HS3ST4: variants seen among roughly 807,000 people sequenced by gnomAD.
HS3ST4 encodes heparan sulfate glucosamine 3-O-sulfotransferase 4.
Under a neutral mutation model 29.2 loss-of-function variants are expected in HS3ST4, and 17 were observed. The observed-to-expected ratio is 0.58, with a 90% CI of 0.40 to 0.87. The LOEUF (loss-of-function observed/expected upper bound fraction) is 0.87. HS3ST4 is among the 40% of genes least tolerant of loss of function. HS3ST4 has a pLI of 0.00. For synonymous variants in HS3ST4, 314 were observed against 285.7 expected (o/e 1.10, Z -1.00); for missense variants, 627 against 634.5 (o/e 0.99, Z 0.13).
At chr16:26,102,078 T>G (rs1898996633) in intron 1 of HS3ST4, among the ~76,000 whole-genome samples, 1 of 152,184 alleles carries the variant, frequency 6.6e-6, no homozygotes, top group South Asian at 2.1e-4. Flanking sequence ...AAGAAAACAT[T>G]GTATTATACA....
At chr16:25,803,836 CT>C (rs1298368647) in intron 1 of HS3ST4, among the ~76,000 whole-genome samples, 1 of 152,208 alleles carries the variant, frequency 6.6e-6, no homozygotes, top group Non-Finnish European at 1.5e-5. Flanking sequence ...ATCAGCACCC[CT>C]GTTCCTTGGT....
intron 1 of HS3ST4, among the ~76,000 whole-genome samples, chr16:25,932,228 C>T (rs1179620157): frequency 2.6e-5 from 4 of 152,058 alleles, no homozygotes; most frequent in South Asian, 2.1e-4. Flanking sequence ...GTGGGAGGAT[C>T]GCTTGAGACC....
At chr16:25,804,470 A>AAT (rs992711349) in intron 1 of HS3ST4, among the ~76,000 whole-genome samples, 17 of 152,246 alleles carry the variant, frequency 1.1e-4, no homozygotes, top group Admixed American at 1.1e-3. Context: ...TTCCCCATTC[A>AAT]GCAAATTGCC....
intron 1 of HS3ST4, among the ~76,000 whole-genome samples, chr16:25,872,822 A>C (rs1433550676): frequency 6.6e-6 from 1 of 152,162 alleles, no homozygotes; most frequent in Non-Finnish European, 1.5e-5. Flanking sequence ...AGTAAGAGAC[A>C]TTGTGGTCAT....
intron 1 of HS3ST4, among the ~76,000 whole-genome samples, chr16:25,984,296 T>G (rs1310815475): frequency 6.6e-6 from 1 of 152,184 alleles, no homozygotes; most frequent in African/African-American, 2.4e-5. Context: ...GATGAAACTG[T>G]TCTACCTCAG....
At chr16:26,097,619 C>T (rs114540262) in intron 1 of HS3ST4, among the ~76,000 whole-genome samples, 3,691 of 152,304 alleles carry the variant, frequency 0.024, 163 homozygotes, top group African/African-American at 0.082. Flanking sequence ...AGACCCAAAA[C>T]TGTAGAAACC....
chr16:25,731,263 C>G (rs967050741), intron 1 of HS3ST4, among the ~76,000 whole-genome samples: 15 of 152,192 alleles, frequency 9.9e-5, no homozygotes, highest in African/African-American at 3.6e-4. Context: ...ACAAAAACAG[C>G]TGTTCACTGC....
rs145863349 is a variant in HS3ST4, at chr16:25,991,107, G to A, written c.735-144505G>A. ...TTATCATCAATAACATTGATACACC[G>A]GCCTCACCAGGACCTCAGCATGCTC... On this transcript the variant is annotated intron_variant, in intron 1 of 1. Transcript: ENST00000331351. 2.7e-3 allele frequency among the ~76,000 whole-genome samples: 394 copies of A among 148,388 alleles called. 3 individuals are homozygous for A. Among genetic ancestry groups the A allele is most frequent in the Middle Eastern group, 0.02 (6 of 294 alleles).
chr16:25,759,405 G>T (rs1232297418), intron 1 of HS3ST4, among the ~76,000 whole-genome samples: 2 of 152,202 alleles, frequency 1.3e-5, no homozygotes, highest in East Asian at 3.8e-4. Context: ...AGAAAACAGC[G>T]TTTCTGCCTT....
intron 1 of HS3ST4, among the ~76,000 whole-genome samples, chr16:26,097,797 A>G (rs538882075): frequency 2.0e-5 from 3 of 152,340 alleles, no homozygotes; most frequent in African/African-American, 7.2e-5. Flanking sequence ...TGAACAGGCA[A>G]CCTACAGAAT....
chr16:26,001,717 A>G (rs1969213360), intron 1 of HS3ST4, among the ~76,000 whole-genome samples: 1 of 152,166 alleles, frequency 6.6e-6, no homozygotes, highest in Non-Finnish European at 1.5e-5. Context: ...GAAAGTTGAG[A>G]AAGGGTTTCC....
At chr16:25,852,286 CT>C (rs1019570321) in intron 1 of HS3ST4, among the ~76,000 whole-genome samples, 3 of 151,960 alleles carry the variant, frequency 2.0e-5, no homozygotes, top group Admixed American at 6.6e-5. Context: ...GTTTTTATTT[CT>C]TTTTTAAAAA....
chr16:25,955,585 C>G lies in HS3ST4; in HGVS notation c.735-180027C>G, dbSNP rs546551866. Among the ~76,000 whole-genome samples the G allele has an allele frequency of 6.6e-5, 10 of 152,234 alleles. No individual in the cohort carries two copies. The South Asian group carries it at 1.9e-3, about 28-fold the overall frequency. On this transcript the variant is annotated intron_variant, in intron 1 of 1. Transcript: ENST00000331351. ...TAGGGATCTGTGGGCATCATGCTAA[C>G]CCCCATGCTCTGAGAACTTGACCAC... is the stretch of plus-strand genomic sequence containing the variant.
chr16:25,769,139 C>A (rs1055395587), intron 1 of HS3ST4, among the ~76,000 whole-genome samples: 1 of 152,072 alleles, frequency 6.6e-6, no homozygotes, highest in African/African-American at 2.4e-5. Flanking sequence ...CTGTCCTTCG[C>A]CAAGCAGGAG....
At chr16:25,817,960 G>A (rs775006505) in intron 1 of HS3ST4, among the ~76,000 whole-genome samples, 3 of 152,272 alleles carry the variant, frequency 2.0e-5, no homozygotes, top group South Asian at 2.1e-4. Context: ...AGTGTGTACC[G>A]GTAAGCACAT....
chr16:26,073,738 G>T (rs1898627938), intron 1 of HS3ST4, among the ~76,000 whole-genome samples: 1 of 152,136 alleles, frequency 6.6e-6, no homozygotes. Flanking sequence ...ACATTTGTTT[G>T]CTATTCTGTC....
chr16:25,725,273 A>T (rs1966526147), intron 1 of HS3ST4, among the ~76,000 whole-genome samples: 1 of 152,036 alleles, frequency 6.6e-6, no homozygotes, highest in South Asian at 2.1e-4. Context: ...GTCACCATTG[A>T]CTTGCTCTTA....
intron 1 of HS3ST4, among the ~76,000 whole-genome samples, chr16:25,898,255 T>C (rs1038544956): frequency 6.6e-6 from 1 of 152,248 alleles, no homozygotes; most frequent in Non-Finnish European, 1.5e-5. Flanking sequence ...AAAATGACTT[T>C]AGTAGTGCTA....
rs184760822 is a variant in HS3ST4, at chr16:25,816,396, C to T, written c.734+123245C>T. Among the ~76,000 whole-genome samples the T allele has an allele frequency of 9.5e-4, 144 of 152,264 alleles. 1 individual carries two copies. Among genetic ancestry groups the T allele is most frequent in the African/African-American group, 3.3e-3 (139 of 41,538 alleles). Reference sequence around the variant, plus strand: ...TCGATACCTTTGCCATCTGTACCTCCAGCACCCGTCCAGACTCGTGGACTG... The same window carrying T: ...TCGATACCTTTGCCATCTGTACCTCTAGCACCCGTCCAGACTCGTGGACTG... On this transcript the variant is annotated intron_variant, in intron 1 of 1. Coordinates refer to ENST00000331351, the MANE Select transcript of HS3ST4 (RefSeq NM_006040.3).
Sources: allele counts gnomAD v4.1 joint callset (sites outside exome capture counted in the v4.1 genomes callset), GRCh38; gene constraint gnomAD v4.1.1; transcripts MANE v1.5; gene names NCBI Gene and HGNC (gene_info 2026-07-23, HGNC 2026-07-21).